Variants in UBE2D2 observed in about 807,000 individuals in gnomAD.
The protein encoded by UBE2D2 is ubiquitin-conjugating enzyme E2 D2.
Under a neutral mutation model 24.2 loss-of-function variants are expected in UBE2D2, and 2 were observed. The ratio of observed to expected loss-of-function variants is 0.08; its 90% CI spans 0.03 to 0.26. The LOEUF (loss-of-function observed/expected upper bound fraction) is 0.26. Ranked by LOEUF, UBE2D2 falls within the 10% of genes least tolerant of loss-of-function variation. UBE2D2 has a pLI of 1.00. For missense variants in UBE2D2, 44 were observed against 177.6 expected, an observed-to-expected ratio of 0.25 and a Z score of 4.28; for synonymous variants, 58 against 56.5, an observed-to-expected ratio of 1.03 and a Z score of -0.12.
chr5:139,584,400 AG>A (rs1402840098), intron 1 of UBE2D2, among the ~76,000 whole-genome samples: 5 of 152,028 alleles, frequency 3.3e-5, no homozygotes, highest in African/African-American at 7.3e-5. Flanking sequence ...CCTTTCGTTA[AG>A]TTTAGCATGA....
chr5:139,580,725 G>A (rs1028445736), intron 1 of UBE2D2, among the ~76,000 whole-genome samples: 12 of 152,104 alleles, frequency 7.9e-5, no homozygotes, highest in Non-Finnish European at 1.3e-4. Flanking sequence ...GATTACAGGC[G>A]TGAGCCACCG....
chr5:139,623,679 C>T (rs1754560631), intron 6 of UBE2D2: 3 of 391,032 alleles, frequency 7.7e-6, no homozygotes, highest in Admixed American at 8.5e-5. Flanking sequence ...CTCTTGTCTA[C>T]AAAAACTTTT....
intron 1 of UBE2D2, among the ~76,000 whole-genome samples, chr5:139,595,339 A>G (rs1310847732): frequency 1.3e-5 from 2 of 152,078 alleles, no homozygotes; most frequent in South Asian, 4.1e-4. Context: ...TTTATTTGCC[A>G]TAATTGGGTT....
chr5:139,533,018 G>A (rs1415511376), intron 1 of UBE2D2, among the ~76,000 whole-genome samples: 2 of 151,360 alleles, frequency 1.3e-5, no homozygotes, highest in African/African-American at 2.4e-5. Flanking sequence ...TGAGGCTGGA[G>A]AATCACTTGA....
At chr5:139,563,139 T>C (rs1581493290) in intron 1 of UBE2D2, among the ~76,000 whole-genome samples, 1 of 152,240 alleles carries the variant, frequency 6.6e-6, no homozygotes, top group Middle Eastern at 3.4e-3. Flanking sequence ...AATGATGGGA[T>C]GGGGATGCAA....
At chr5:139,556,392 G>C (rs555654151), upstream of UBE2D2, among the ~76,000 whole-genome samples, 64 of 152,022 alleles carry the variant, frequency 4.2e-4, no homozygotes, top group Non-Finnish European at 6.6e-4. Context: ...CTGGGCAACA[G>C]AGCAAGGCTC....
intron 1 of UBE2D2, among the ~76,000 whole-genome samples, chr5:139,528,993 T>C (rs951629946): frequency 6.6e-6 from 1 of 152,182 alleles, no homozygotes; most frequent in African/African-American, 2.4e-5. Context: ...AGGAAACTCA[T>C]TGCGGGACTC....
chr5:139,584,000 T>C (rs1170346121), intron 1 of UBE2D2, among the ~76,000 whole-genome samples: 1 of 152,176 alleles, frequency 6.6e-6, no homozygotes, highest in Non-Finnish European at 1.5e-5. Context: ...AATAAGTTTA[T>C]TATAGCCTGA....
intron 5 of UBE2D2, among the ~76,000 whole-genome samples, chr5:139,616,372 T>C (rs1754422186): frequency 6.6e-6 from 1 of 152,058 alleles, no homozygotes; most frequent in South Asian, 2.1e-4. Context: ...TGCTGTACTC[T>C]GAAAGGTGAT....
chr5:139,558,227 A>C (rs1753006542), upstream of UBE2D2, among the ~76,000 whole-genome samples: 1 of 152,264 alleles, frequency 6.6e-6, no homozygotes, highest in South Asian at 2.1e-4. Flanking sequence ...ATGCTAGAAT[A>C]CAAAGCCATT....
intron 1 of UBE2D2, among the ~76,000 whole-genome samples, chr5:139,555,337 G>A (rs180771583): frequency 5.3e-4 from 80 of 151,856 alleles, no homozygotes; most frequent in Admixed American, 4.3e-3. Context: ...CACTGCACCC[G>A]GCCTAACTTG....
Position 139,600,295 on chromosome 5 carries a change from G to C in UBE2D2, c.25-77G>C. 3 of 1,443,846 alleles carry C rather than the reference G, an allele frequency of 2.1e-6. No homozygotes were observed. In the East Asian group the frequency reaches 6.9e-5, roughly 33 times the overall value. 89.4% of individuals were successfully genotyped at this position (1,443,846 alleles called of 1,614,324 possible). The stretch of plus-strand genomic sequence containing the variant: ...TTCACCAGCAGGACAGAGAATATTG[G>C]TAACAATATAAACTTTAGTAATGGA... On this transcript the variant is annotated intron_variant, in intron 1 of 6. Transcript: ENST00000398733.
At chr5:139,601,552 T>C (rs567245783) in intron 2 of UBE2D2, among the ~76,000 whole-genome samples, 1 of 152,294 alleles carries the variant, frequency 6.6e-6, no homozygotes, top group East Asian at 1.9e-4. Flanking sequence ...TAGCAGAGTT[T>C]ACAGTGAGCC....
upstream of UBE2D2, among the ~76,000 whole-genome samples, chr5:139,557,905 A>AT (rs1433340062): frequency 2.0e-5 from 3 of 151,884 alleles, no homozygotes; most frequent in Non-Finnish European, 2.9e-5. Flanking sequence ...GAGTCATATG[A>AT]TTTTTTTTAA....
intron 1 of UBE2D2, among the ~76,000 whole-genome samples, chr5:139,538,364 G>A (rs1269951172): frequency 1.3e-5 from 2 of 152,084 alleles, no homozygotes; most frequent in Non-Finnish European, 2.9e-5. Context: ...ATAGCCAAAA[G>A]GTAGAAGTAA....
At chr5:139,579,918 G>A (rs1483815275) in intron 1 of UBE2D2, among the ~76,000 whole-genome samples, 3 of 151,928 alleles carry the variant, frequency 2.0e-5, no homozygotes, top group Non-Finnish European at 2.9e-5. Context: ...ATGGTGGCAC[G>A]CGCCTGTAAT....
intron 1 of UBE2D2, among the ~76,000 whole-genome samples, chr5:139,591,995 T>G (rs1254767313): frequency 6.6e-6 from 1 of 151,210 alleles, no homozygotes; most frequent in East Asian, 1.9e-4. Context: ...AGGTCAGGAG[T>G]TCTCAAGACC....
Position 139,626,737 on chromosome 5 carries a change from C to T in UBE2D2, c.399-19C>T. 1 of 1,612,466 alleles carries T rather than the reference C, an allele frequency of 6.2e-7. No homozygotes were observed. The highest frequency in any genetic ancestry group is 8.5e-7 in the Non-Finnish European group (1 of 1,178,748). ...GACTCCACACCTATGTTAAGCCAAG[C>T]TTCTCTTTGTGTGTACAGGTACAAC... On this transcript the variant is annotated intron_variant, in intron 6 of 6. Transcript: ENST00000398733.
chr5:139,606,893 C>T (rs1230839829), intron 2 of UBE2D2, among the ~76,000 whole-genome samples: 1 of 152,166 alleles, frequency 6.6e-6, no homozygotes, highest in Non-Finnish European at 1.5e-5. Context: ...CAACCTCTGC[C>T]TCCCGGGTTC....
Sources: gnomAD v4.1 joint callset for allele counts (sites outside exome capture counted in the v4.1 genomes callset) on GRCh38, gnomAD v4.1.1 for gene constraint, MANE v1.5 for transcripts, NCBI Gene and HGNC (gene_info 2026-07-23, HGNC 2026-07-21) for gene names.